BAZ2B: variants seen among roughly 807,000 people sequenced by gnomAD.
BAZ2B encodes bromodomain adjacent to zinc finger domain protein 2B.
BAZ2B carries 91 observed loss-of-function variants against 246.0 expected under a neutral mutation model. The observed-to-expected ratio is 0.37, with a 90% CI of 0.31 to 0.44. BAZ2B has a LOEUF of 0.44. BAZ2B is among the 20% of genes least tolerant of loss of function. The pLI, the probability that BAZ2B is intolerant of heterozygous loss-of-function variation, is 1.00. For synonymous variants in BAZ2B, 855 were observed against 860.0 expected (o/e 0.99, Z 0.10); for missense variants, 2,332 against 2,533.7 (o/e 0.92, Z 1.71).
intron 1 of BAZ2B, among the ~76,000 whole-genome samples, chr2:159,582,221 T>C (rs1398879998): frequency 2.0e-5 from 3 of 152,244 alleles, no homozygotes; most frequent in Non-Finnish European, 4.4e-5. Flanking sequence ...TATATTCATG[T>C]GCATATTAAA....
intron 1 of BAZ2B, among the ~76,000 whole-genome samples, chr2:159,603,085 C>T (rs1163957736): frequency 1.3e-5 from 2 of 152,050 alleles, no homozygotes; most frequent in East Asian, 1.9e-4. Flanking sequence ...TGCAATGAGC[C>T]GAGATCGCAC....
intron 2 of BAZ2B, chr2:159,516,664 T>C (rs2083472368): frequency 6.6e-6 from 1 of 152,528 alleles, no homozygotes; most frequent in African/African-American, 2.4e-5. Flanking sequence ...GTAAACAAAC[T>C]GAAAGGCAGG....
At chr2:159,506,295 C>T (rs1010899138) in intron 2 of BAZ2B, among the ~76,000 whole-genome samples, 18 of 152,176 alleles carry the variant, frequency 1.2e-4, no homozygotes, top group African/African-American at 4.1e-4. Context: ...CCAGAGCGAG[C>T]CAGGATGACA....
chr2:159,449,681 T>C (rs1258611127), intron 4 of BAZ2B, among the ~76,000 whole-genome samples: 1 of 152,220 alleles, frequency 6.6e-6, no homozygotes. Flanking sequence ...CACCAATGTA[T>C]ATTCAGCCAT....
intron 13 of BAZ2B, among the ~76,000 whole-genome samples, chr2:159,413,169 C>G (rs1303673966): frequency 1.3e-5 from 2 of 152,126 alleles, no homozygotes; most frequent in East Asian, 3.8e-4. Context: ...ACACAAAAAT[C>G]AAACCTGGAT....
the BAZ2B span, among the ~76,000 whole-genome samples, chr2:159,676,375 T>C: frequency 2.6e-5 from 4 of 152,184 alleles, no homozygotes; most frequent in South Asian, 2.1e-4. Context: ...AACTTACTTA[T>C]ATTAGTGACT....
chr2:159,468,179 G>C (rs1360760882), intron 3 of BAZ2B, among the ~76,000 whole-genome samples: 1 of 152,114 alleles, frequency 6.6e-6, no homozygotes, highest in Non-Finnish European at 1.5e-5. Context: ...AGATCTGCTG[G>C]GTTTGATGTA....
At chr2:159,613,105 GTAAA>G (rs1229439744) in intron 1 of BAZ2B, among the ~76,000 whole-genome samples, 5 of 151,976 alleles carry the variant, frequency 3.3e-5, no homozygotes, top group Non-Finnish European at 7.4e-5. Flanking sequence ...TCTAAAAATT[GTAAA>G]TAAACAATAT....
intron 6 of BAZ2B, chr2:159,444,420 A>G (rs2073939266): frequency 6.6e-6 from 1 of 152,214 alleles, no homozygotes; most frequent in South Asian, 2.1e-4. Context: ...CCTTCCCCCA[A>G]GTCTTCATAT....
At chr2:159,445,453 G>A (rs899641782) in intron 6 of BAZ2B, among the ~76,000 whole-genome samples, 12 of 152,078 alleles carry the variant, frequency 7.9e-5, no homozygotes, top group Non-Finnish European at 1.6e-4. Context: ...TTCACCCAAG[G>A]CTAAGTTTCA....
At chr2:159,635,948 T>C in the BAZ2B span, among the ~76,000 whole-genome samples, 1 of 151,982 alleles carries the variant, frequency 6.6e-6, no homozygotes, top group African/African-American at 2.4e-5. Context: ...TCTCAGATAC[T>C]AGGGAGGCTG....
intron 2 of BAZ2B, among the ~76,000 whole-genome samples, chr2:159,493,257 T>A (rs2080701158): frequency 6.6e-6 from 1 of 152,202 alleles, no homozygotes; most frequent in Non-Finnish European, 1.5e-5. Flanking sequence ...TTTAAATTAA[T>A]TAAAATTAAA....
chr2:159,576,531 TAA>T lies in BAZ2B; in HGVS notation c.-45-20668_-45-20667del, dbSNP rs71406179. On this transcript the variant is annotated intron_variant, in intron 1 of 36. Coordinates refer to ENST00000392783, the MANE Select transcript of BAZ2B (RefSeq NM_013450.4). ...TGCACCAATCAGATTATCAAAGGTT[TAA>T]AAAAAAAAAAAAAAGAACCCAGAAT... Among the ~76,000 whole-genome samples the T allele has an allele frequency of 1.4e-3, 200 of 142,946 alleles. 1 individual carries two copies. Among genetic ancestry groups the T allele is most frequent in the Admixed American group, 1.6e-3 (23 of 14,440 alleles). 93.8% of individuals were successfully genotyped at this position (142,946 alleles called of 152,430 possible).
intron 17 of BAZ2B, chr2:159,399,133 C>A (rs1035623918): frequency 5.7e-6 from 2 of 348,676 alleles, no homozygotes; most frequent in East Asian, 4.2e-5. Flanking sequence ...AATATGACAG[C>A]TTTTCTTCTT....
chr2:159,399,983 G>A (rs2149727609), intron 17 of BAZ2B, among the ~76,000 whole-genome samples: 1 of 152,228 alleles, frequency 6.6e-6, no homozygotes, highest in Non-Finnish European at 1.5e-5. Context: ...GGGCTATTAA[G>A]GTTTTGAAAA....
chr2:159,478,558 TA>T lies in BAZ2B; in HGVS notation c.145+16del, dbSNP rs772846473. ...AAAGAATGGCATTCTAAAATTGAGTTAAAAAAGGGTATTCACCACATGGGTT... is the reference window on the plus strand; with the variant it reads ...AAAGAATGGCATTCTAAAATTGAGTTAAAAAGGGTATTCACCACATGGGTT... On this transcript the variant is annotated intron_variant, in intron 3 of 36. Coordinates refer to ENST00000392783, the MANE Select transcript of BAZ2B (RefSeq NM_013450.4). 1.5e-5 allele frequency: 24 copies of T among 1,571,964 alleles called. No homozygotes were observed. The African/African-American group carries it at 2.3e-4, about 15-fold the overall frequency.
chr2:159,666,351 A>C, the BAZ2B span, among the ~76,000 whole-genome samples: 1 of 143,842 alleles, frequency 7.0e-6, no homozygotes, highest in Non-Finnish European at 1.5e-5. Context: ...TCTCTGCCTC[A>C]CTGACTCAGG....
intron 3 of BAZ2B, chr2:159,462,461 G>A: frequency 3.4e-6 from 4 of 1,167,470 alleles, no homozygotes; most frequent in African/African-American, 1.5e-5. Context: ...TTTGGTGCGG[G>A]TAACCGGAAG....
At chr2:159,366,748 T>A (rs901377039) in intron 27 of BAZ2B, among the ~76,000 whole-genome samples, 2 of 152,272 alleles carry the variant, frequency 1.3e-5, no homozygotes, top group Non-Finnish European at 2.9e-5. Context: ...AGATTGCTCA[T>A]GGGAGCTCTG....
Sources: gnomAD v4.1 joint callset for allele counts (sites outside exome capture counted in the v4.1 genomes callset) on GRCh38, gnomAD v4.1.1 for gene constraint, MANE v1.5 for transcripts, NCBI Gene and HGNC (gene_info 2026-07-23, HGNC 2026-07-21) for gene names.